Variants in ERLIN2 observed in about 807,000 individuals in gnomAD.
The protein encoded by ERLIN2 is ER lipid raft associated 2.
Under a neutral mutation model 41.5 loss-of-function variants are expected in ERLIN2, and 22 were observed. The observed-to-expected ratio is 0.53, with a 90% CI of 0.38 to 0.76. ERLIN2 has a LOEUF of 0.76. ERLIN2 is among the 30% of genes least tolerant of loss of function. The pLI, the probability that ERLIN2 is intolerant of heterozygous loss-of-function variation, is 0.00. For synonymous variants in ERLIN2, 149 were observed against 150.9 expected (o/e 0.99, Z 0.09); for missense variants, 247 against 414.3 (o/e 0.60, Z 3.51).
rs1431536208 is a variant in ERLIN2, at chr8:37,749,590, G to A, written c.456G>A (p.Leu152=). The A allele has an allele frequency of 1.2e-6, 2 of 1,613,746 alleles. No individual in the cohort carries two copies. Among genetic ancestry groups the A allele is most frequent in the African/African-American group, 2.7e-5 (2 of 74,896 alleles). ...TTGATGAAAATCTCAAACTGGCTTT[G>A]CAACAGGACCTGACCTCCATGGCCC... ...DQIDENLKLA[L]QQDLTSMAPG... is the part of the protein sequence containing the mutation. The change falls in exon 7 of 12, where the codon TTG becomes TTA. Residue 152 remains leucine, a synonymous_variant. Transcript: ENST00000519638.
chr8:37,751,519 G>T, intron 9 of ERLIN2, 107 bp from the exon 10 acceptor site: 1 of 876,346 alleles, frequency 1.1e-6, no homozygotes, highest in Non-Finnish European at 1.9e-6. Context: ...TGCCCTCTGG[G>T]GGCTCTCCAG....
Position 37,753,896 on chromosome 8 carries a change from C to CT in ERLIN2, c.820-6dup, listed in dbSNP as rs748383831. The CT allele has an allele frequency of 0.043, 50,630 of 1,171,288 alleles. 1 individual carries two copies. Among genetic ancestry groups the CT allele is most frequent in the Non-Finnish European group, 0.052 (42,710 of 824,014 alleles). 72.6% of individuals were successfully genotyped at this position (1,171,288 alleles called of 1,614,324 possible). ...TATGGTTCAACATAAGTCTTCCATA[C>CT]TTTTTTTTTTTTTAACAGCTGAAGC... is the stretch of plus-strand genomic sequence containing the variant. On this transcript the variant is annotated intron_variant, in intron 11 of 11. Transcript: ENST00000519638.
At position 37,754,019 on chromosome 8, in the gene ERLIN2, T is replaced by C. The variant is rs574464016; in HGVS notation, c.924T>C (p.Ser308=). ...ACATTCCTAACATGTTCATGGACTC[T>C]GCGGGCAGTGTGAGCAAGCAGTTTG... The part of the protein sequence containing the change: ...GKDIPNMFMD[S]AGSVSKQFEG... Residue 308 remains serine, a synonymous_variant, in exon 12 of 12, where the codon TCT becomes TCC. Transcript: ENST00000519638. 1 of 1,614,064 alleles carries C rather than the reference T, an allele frequency of 6.2e-7. No individual in the cohort carries two copies. The highest frequency in any genetic ancestry group is 2.2e-5 in the East Asian group (1 of 44,876).
In ERLIN2 at chr8:37,736,674, G is replaced by T. The variant is rs902037555; in HGVS notation, c.-20G>T. 1 of 985,670 alleles carries T rather than the reference G, an allele frequency of 1.0e-6. No individual in the cohort carries two copies. Among genetic ancestry groups the T allele is most frequent in the South Asian group, 4.7e-5 (1 of 21,340 alleles). The allele number at this position is 985,670 out of a possible 1,614,324, so 61.1% of individuals were successfully genotyped here. A position where few individuals can be genotyped will look rare whatever the true frequency, so the allele number is the denominator to read the frequency against. ...CGAGTACGGAGCGCCTGCAGGGACAGCCTGGTACGCGGCCCCCGCCCCTTC... is the reference window on the plus strand; with the variant it reads ...CGAGTACGGAGCGCCTGCAGGGACATCCTGGTACGCGGCCCCCGCCCCTTC... On this transcript the variant is annotated 5_prime_UTR_variant, in exon 1 of 12. Transcript: ENST00000519638.
Position 37,753,441 on chromosome 8 carries a change from C to G in ERLIN2, c.740-9C>G. The G allele has an allele frequency of 6.2e-7, 1 of 1,612,782 alleles. No homozygotes were observed. Among genetic ancestry groups the G allele is most frequent in the Non-Finnish European group, 8.5e-7 (1 of 1,178,808 alleles). On this transcript the variant is annotated splice_polypyrimidine_tract_variant and intron_variant, in intron 10 of 11. Coordinates refer to ENST00000519638, the MANE Select transcript of ERLIN2 (RefSeq NM_007175.8). ...CTTCACCAAGTTCACTGCACTCCTT[C>G]CCCCTCAGATGCTGCATTTCTGGCC...
rs1245302706 is a variant in ERLIN2, at chr8:37,753,896, C to A, written c.820-19C>A. 7.6e-7 allele frequency: 1 copy of A among 1,314,188 alleles called. No homozygotes were observed. Among genetic ancestry groups the A allele is most frequent in the African/African-American group, 1.5e-5 (1 of 67,172 alleles). 81.4% of individuals were successfully genotyped at this position (1,314,188 alleles called of 1,614,324 possible). A position where few individuals can be genotyped will look rare whatever the true frequency, so the allele number is the denominator to read the frequency against. On this transcript the variant is annotated intron_variant, in intron 11 of 11. Coordinates refer to ENST00000519638, the MANE Select transcript of ERLIN2 (RefSeq NM_007175.8). ...TATGGTTCAACATAAGTCTTCCATA[C>A]TTTTTTTTTTTTTAACAGCTGAAGC...
chr8:37,739,257 G>A (rs1267270877), intron 2 of ERLIN2, among the ~76,000 whole-genome samples: 1 of 152,054 alleles, frequency 6.6e-6, no homozygotes, highest in African/African-American at 2.4e-5. Flanking sequence ...TCCCCAAAAA[G>A]GCTTTTAACT....
Position 37,744,559 on chromosome 8 carries a change from C to T in ERLIN2, c.299-12C>T. 2 of 1,614,150 alleles carry T rather than the reference C, an allele frequency of 1.2e-6. No individual in the cohort carries two copies. The highest frequency in any genetic ancestry group is 1.7e-6 in the Non-Finnish European group (2 of 1,180,004). On this transcript the variant is annotated splice_polypyrimidine_tract_variant and intron_variant, in intron 5 of 11. Coordinates refer to ENST00000519638, the MANE Select transcript of ERLIN2 (RefSeq NM_007175.8). The stretch of plus-strand genomic sequence containing the variant: ...GCCTTTTCTTATGCCAAGCCCTCTC[C>T]TTCCCTCTCAGTGTATGATATAGTG...
At chr8:37,742,659 TA>T (rs1464674399) in intron 4 of ERLIN2, among the ~76,000 whole-genome samples, 1 of 151,810 alleles carries the variant, frequency 6.6e-6, no homozygotes, top group Non-Finnish European at 1.5e-5. Flanking sequence ...TGTCAGTGGA[TA>T]GGGGGTGGGG....
intron 8 of ERLIN2, chr8:37,750,194 C>T (rs969979133): frequency 6.3e-6 from 4 of 630,876 alleles, no homozygotes; most frequent in Non-Finnish European, 8.4e-6. Flanking sequence ...TGTTTTATTT[C>T]CCACAAATGA....
Position 37,754,008 on chromosome 8 carries a change from T to C in ERLIN2, c.913T>C (p.Phe305Leu). ...CTTTGGCAAAGACATTCCTAACATG[T>C]TCATGGACTCTGCGGGCAGTGTGAG... is the stretch of plus-strand genomic sequence containing the variant. Reference protein sequence around the residue: ...IYFGKDIPNMFMDSAGSVSKQ... With the variant: ...IYFGKDIPNMLMDSAGSVSKQ... Residue 305 changes from phenylalanine to leucine, a missense_variant, in exon 12 of 12, where the codon TTC (phenylalanine) becomes CTC (leucine). Transcript: ENST00000519638. 6.2e-7 allele frequency: 1 copy of C among 1,613,946 alleles called. No homozygotes were observed. The highest frequency in any genetic ancestry group is 1.1e-5 in the South Asian group (1 of 91,072).
chr8:37,738,484 G>C (rs1802732912), intron 2 of ERLIN2, among the ~76,000 whole-genome samples: 2 of 152,150 alleles, frequency 1.3e-5, no homozygotes, highest in Admixed American at 6.5e-5. Context: ...ATGGCAACTT[G>C]AGAAGGTAGC....
rs747635496 is a variant in ERLIN2 at position 37,747,539 on chromosome 8, A to G, written c.425-2020A>G. Reference sequence around the variant, plus strand: ...TCATCAATGGTAGACACAGTGACAGAACTGAACTTGCCCATGTCTTTGGTC... The same window carrying G: ...TCATCAATGGTAGACACAGTGACAGGACTGAACTTGCCCATGTCTTTGGTC... On this transcript the variant is annotated intron_variant, in intron 6 of 11. Transcript: ENST00000519638. 4.3e-6 allele frequency: 7 copies of G among 1,612,466 alleles called. No homozygotes were observed. The African/African-American group carries it at 8.0e-5, about 18-fold the overall frequency.
Position 37,741,723 on chromosome 8 carries a change from A to G in ERLIN2, c.190-49A>G. ...CATTTAGGATTCTGAAAAGTAAGTT[A>G]CTTTGTCACTGCCCATCTTCTAGCA... On this transcript the variant is annotated intron_variant, in intron 3 of 11. Coordinates refer to ENST00000519638, the MANE Select transcript of ERLIN2 (RefSeq NM_007175.8). This position sits in a 1 kb window ranked among gnomAD's most constrained non-coding sequence, Gnocchi z 4.8. 4.2e-6 allele frequency: 6 copies of G among 1,420,964 alleles called. No individual in the cohort carries two copies. Among genetic ancestry groups the G allele is most frequent in the Non-Finnish European group, 6.0e-6 (6 of 1,003,556 alleles). 88.0% of individuals were successfully genotyped at this position (1,420,964 alleles called of 1,614,324 possible).
intron 4 of ERLIN2, among the ~76,000 whole-genome samples, chr8:37,744,132 G>A (rs1394582453): frequency 6.6e-6 from 1 of 152,180 alleles, no homozygotes; most frequent in Non-Finnish European, 1.5e-5. Context: ...TCTCATTCAT[G>A]TCTTTGTAGA....
rs924832243 is a variant in ERLIN2, at chr8:37,741,030, G to A, written c.189+584G>A. 2.6e-5 allele frequency among the ~76,000 whole-genome samples: 4 copies of A among 152,168 alleles called. No individual in the cohort carries two copies. The highest frequency in any genetic ancestry group is 5.9e-5 in the Non-Finnish European group (4 of 68,032). Reference sequence around the variant, plus strand: ...ATTTTCCCTGTAAGTTTCATGTGCTGTTTACCAGGCTTTGTGGCTTTCAAA... The same window carrying A: ...ATTTTCCCTGTAAGTTTCATGTGCTATTTACCAGGCTTTGTGGCTTTCAAA... On this transcript the variant is annotated intron_variant, in intron 3 of 11. Coordinates refer to ENST00000519638, the MANE Select transcript of ERLIN2 (RefSeq NM_007175.8). This position sits in a 1 kb window ranked among gnomAD's most constrained non-coding sequence, Gnocchi z 4.8.
chr8:37,736,857 C>G, intron 1 of ERLIN2, 179 bp downstream of exon 1: 1 of 985,962 alleles, frequency 1.0e-6, no homozygotes, highest in Non-Finnish European at 1.2e-6. Context: ...CGCAGGGGGA[C>G]CGAGCGGAGG....
intron 9 of ERLIN2, among the ~76,000 whole-genome samples, 158 bp downstream of exon 9, chr8:37,750,644 G>A (rs1018599255): frequency 6.6e-6 from 1 of 152,186 alleles, no homozygotes; most frequent in African/African-American, 2.4e-5. Context: ...AGTTGAAATT[G>A]TCAGATCATG....
intron 6 of ERLIN2, chr8:37,746,634 C>G (rs950743777): frequency 1.6e-6 from 1 of 615,652 alleles, no homozygotes; most frequent in Non-Finnish European, 2.0e-6. Context: ...ACTAGCTGCC[C>G]GACTAGAGGG....
Sources: allele counts gnomAD v4.1 joint callset (sites outside exome capture counted in the v4.1 genomes callset), GRCh38; gene constraint gnomAD v4.1.1; non-coding constraint Gnocchi (gnomAD v3.1); transcripts MANE v1.5; gene names NCBI Gene and HGNC (gene_info 2026-07-23, HGNC 2026-07-21).